Variants in DCBLD1 observed in about 807,000 individuals in gnomAD.
DCBLD1 encodes discoidin, CUB and LCCL domain containing 1, also known as discoidin, CUB and LCCL domain-containing protein 1.
In DCBLD1, 57 loss-of-function variants were observed where a neutral mutation model predicts 71.5. That is an observed-to-expected ratio of 0.80 (90% CI 0.64 to 0.99). DCBLD1 has a LOEUF of 0.99. Ranked by LOEUF, DCBLD1 falls within the 50% of genes least tolerant of loss-of-function variation. The probability of loss-of-function intolerance (pLI) is 0.00; values close to 1 mark genes in which losing one functional copy is unlikely to be tolerated. For synonymous variants in DCBLD1, 380 were observed against 363.8 expected (o/e 1.04, Z -0.51); for missense variants, 891 against 923.5 (o/e 0.96, Z 0.46).
intron 6 of DCBLD1, among the ~76,000 whole-genome samples, chr6:117,536,770 A>C (rs978474402): frequency 1.3e-5 from 2 of 152,238 alleles, no homozygotes; most frequent in African/African-American, 4.8e-5. Context: ...CTGCTGAAAC[A>C]AAGGGAGATT....
At chr6:117,562,307 C>A in intron 14 of DCBLD1, 1 of 202,878 alleles carries the variant, frequency 4.9e-6, no homozygotes, top group Non-Finnish European at 1.0e-5. Context: ...AGAAAACTGC[C>A]GTTTGATTTG....
At chr6:117,525,693 T>C (rs536515364) in intron 5 of DCBLD1, among the ~76,000 whole-genome samples, 4 of 152,334 alleles carry the variant, frequency 2.6e-5, no homozygotes, top group African/African-American at 9.6e-5. Context: ...CATCCACTTT[T>C]TGTAAGAGGT....
At chr6:117,491,385 A>G (rs1295972874) in intron 1 of DCBLD1, among the ~76,000 whole-genome samples, 2 of 152,208 alleles carry the variant, frequency 1.3e-5, no homozygotes, top group African/African-American at 2.4e-5. Context: ...AAGAGACTAA[A>G]ATAGGAGATG....
chr6:117,484,124 T>A (rs1339488504), intron 1 of DCBLD1, among the ~76,000 whole-genome samples: 1 of 152,222 alleles, frequency 6.6e-6, no homozygotes, highest in East Asian at 1.9e-4. Context: ...TAAATATTTT[T>A]ATTTTTTTCT....
At chr6:117,523,076 A>G (rs2114497045) in intron 4 of DCBLD1, among the ~76,000 whole-genome samples, 1 of 152,344 alleles carries the variant, frequency 6.6e-6, no homozygotes, top group Non-Finnish European at 1.5e-5. Context: ...CATCCAATAT[A>G]CACATATGCC....
Position 117,548,650 on chromosome 6 carries a change from C to G in DCBLD1, c.*211C>G. On this transcript the variant is annotated 3_prime_UTR_variant, in exon 15 of 15. Coordinates refer to ENST00000338728, the MANE Select transcript of DCBLD1 (RefSeq NM_001366458.2). The stretch of plus-strand genomic sequence containing the variant: ...TTTCGTGCTGACCCTTAGGGTGCGT[C>G]TGTTGGGTTTTGTTGGGCTAGAAAA... 7.0e-7 allele frequency: 1 copy of G among 1,419,248 alleles called. No homozygotes were observed. Among genetic ancestry groups the G allele is most frequent in the Non-Finnish European group, 9.2e-7 (1 of 1,092,484 alleles). The allele number at this position is 1,419,248 out of a possible 1,614,324, so 87.9% of individuals were successfully genotyped here.
At chr6:117,513,439 ATC>A (rs1412524837) in intron 2 of DCBLD1, among the ~76,000 whole-genome samples, 1 of 152,162 alleles carries the variant, frequency 6.6e-6, no homozygotes, top group Non-Finnish European at 1.5e-5. Flanking sequence ...TCCATTTGGT[ATC>A]TCTGATAGCT....
chr6:117,569,661 G>A, exon 15 of DCBLD1: 1 of 1,612,524 alleles, frequency 6.2e-7, no homozygotes, highest in Non-Finnish European at 8.5e-7. Flanking sequence ...CCAACGTGCA[G>A]CCCTCCGCAT....
chr6:117,559,455 T>A (rs1293934717), intron 14 of DCBLD1, among the ~76,000 whole-genome samples: 1 of 152,168 alleles, frequency 6.6e-6, no homozygotes, highest in Admixed American at 6.5e-5. Context: ...TCATATAATA[T>A]CCCTGTCATA....
chr6:117,527,395 T>A (rs1778579384), intron 5 of DCBLD1, among the ~76,000 whole-genome samples: 2 of 152,174 alleles, frequency 1.3e-5, no homozygotes, highest in South Asian at 4.1e-4. Context: ...AGCAAGTCTT[T>A]TCAGAAGAAT....
intron 4 of DCBLD1, among the ~76,000 whole-genome samples, chr6:117,522,631 G>C (rs1174015848): frequency 1.3e-5 from 2 of 152,106 alleles, no homozygotes; most frequent in East Asian, 1.9e-4. Flanking sequence ...TTTAGAAATG[G>C]GTGTCTTTCT....
intron 2 of DCBLD1, among the ~76,000 whole-genome samples, chr6:117,514,479 C>T (rs1778124997): frequency 6.6e-6 from 1 of 151,746 alleles, no homozygotes; most frequent in Non-Finnish European, 1.5e-5. Context: ...TGGTGGCACA[C>T]ACCTGTAATC....
chr6:117,492,661 C>CA (rs1304731502), intron 1 of DCBLD1, among the ~76,000 whole-genome samples: 1 of 152,168 alleles, frequency 6.6e-6, no homozygotes, highest in Non-Finnish European at 1.5e-5. Flanking sequence ...GCAATACATC[C>CA]AGCAGTGCAG....
intron 5 of DCBLD1, among the ~76,000 whole-genome samples, chr6:117,529,646 A>T (rs946953794): frequency 5.3e-5 from 8 of 152,216 alleles, no homozygotes; most frequent in Admixed American, 1.3e-4. Context: ...ATAAACATCA[A>T]TTTCCTTTAA....
At chr6:117,525,268 G>A (rs2114503650) in intron 4 of DCBLD1, 94 bp from the exon 5 acceptor site, 6 of 904,174 alleles carry the variant, frequency 6.6e-6, no homozygotes, top group Non-Finnish European at 8.8e-6. Context: ...ATATTATATG[G>A]AGGGCAGAAA....
chr6:117,544,446 A>C, intron 12 of DCBLD1, 82 bp from the exon 13 acceptor site: 1 of 1,440,698 alleles, frequency 6.9e-7, no homozygotes, highest in South Asian at 1.3e-5. Flanking sequence ...GGTAAGTACT[A>C]TTATGATCCT....
At chr6:117,551,498 G>A (rs1779427246), downstream of DCBLD1, among the ~76,000 whole-genome samples, 2 of 152,014 alleles carry the variant, frequency 1.3e-5, no homozygotes, top group African/African-American at 4.8e-5. Flanking sequence ...TGCTGCCTCA[G>A]CCTCCCGAGT....
Position 117,503,603 on chromosome 6 carries a change from A to G in DCBLD1, c.113-164A>G, listed in dbSNP as rs1777735140. On this transcript the variant is annotated intron_variant, in intron 1 of 14. Transcript: ENST00000338728. ...AACAAGAGATGAAATAACCTGAAAC[A>G]ATAGATATTGTTTAATAATTCAGTC... is the stretch of plus-strand genomic sequence containing the variant. 3 of 667,704 alleles carry G rather than the reference A, an allele frequency of 4.5e-6. No homozygotes were observed. The South Asian group carries it at 6.1e-5, about 14-fold the overall frequency. The allele number at this position is 667,704 out of a possible 1,614,324, so 41.4% of individuals were successfully genotyped here.
intron 9 of DCBLD1, chr6:117,540,264 T>C: frequency 5.7e-6 from 1 of 174,764 alleles, no homozygotes; most frequent in Admixed American, 5.5e-5. Context: ...ATAAGTATGG[T>C]AGATGTTTGA....
Sources: gnomAD v4.1 joint callset for allele counts (sites outside exome capture counted in the v4.1 genomes callset) on GRCh38, gnomAD v4.1.1 for gene constraint, MANE v1.5 for transcripts, NCBI Gene and HGNC (gene_info 2026-07-23, HGNC 2026-07-21) for gene names.